CDC73: variants seen among roughly 807,000 people sequenced by gnomAD.
The protein encoded by CDC73 is parafibromin.
CDC73 carries 21 observed loss-of-function variants against 83.7 expected under a neutral mutation model. That is an observed-to-expected ratio of 0.25 (90% CI 0.18 to 0.36). The LOEUF (loss-of-function observed/expected upper bound fraction) is 0.36. Among genes scored for constraint, CDC73 ranks in the 10% least tolerant of loss-of-function variants. The pLI, the probability that CDC73 is intolerant of heterozygous loss-of-function variation, is 1.00. For synonymous variants in CDC73, 224 were observed against 212.9 expected (o/e 1.05, Z -0.45); for missense variants, 342 against 653.3 (o/e 0.52, Z 5.19).
At chr1:193,211,307 G>T (rs1168554030) in intron 11 of CDC73, among the ~76,000 whole-genome samples, 1 of 152,196 alleles carries the variant, frequency 6.6e-6, no homozygotes, top group East Asian at 1.9e-4. Context: ...TTTGCAGTTT[G>T]AGGTACAAAG....
rs114652517 is a variant in CDC73 at position 193,124,004 on chromosome 1, T to C, written c.132-1108T>C. Among the ~76,000 whole-genome samples the C allele has an allele frequency of 9.4e-3, 1,430 of 152,316 alleles. 15 individuals carry two copies. Among genetic ancestry groups the C allele is most frequent in the South Asian group, 0.034 (164 of 4,832 alleles). On this transcript the variant is annotated intron_variant, in intron 1 of 16. Transcript: ENST00000367435. ...CAAGCTTTAAAGAATAGGTAGGAAT[T>C]CTCTGGGCTAAATGATGGGTTAAGT... is the stretch of plus-strand genomic sequence containing the variant.
At position 193,219,942 on chromosome 1, in the gene CDC73, A is replaced by G. The variant is rs568834058; in HGVS notation, c.1154+7465A>G. ...ATTCTGGTCTTGATAGTAGTGTGAT[A>G]ATAATCCAGAACAAAGCAAAGTCTT... On this transcript the variant is annotated intron_variant, in intron 13 of 16. Coordinates refer to ENST00000367435, the MANE Select transcript of CDC73 (RefSeq NM_024529.5). Among the ~76,000 whole-genome samples the G allele has an allele frequency of 2.2e-4, 33 of 152,306 alleles. No homozygotes were observed. The South Asian group carries it at 5.0e-3, about 23-fold the overall frequency.
At chr1:193,215,292 C>T (rs1677348525) in intron 13 of CDC73, among the ~76,000 whole-genome samples, 2 of 152,096 alleles carry the variant, frequency 1.3e-5, no homozygotes, top group Admixed American at 1.3e-4. Flanking sequence ...TTGTTTTCTA[C>T]AACTTGAGAC....
chr1:193,163,176 TG>T (rs1443503351), intron 10 of CDC73, among the ~76,000 whole-genome samples: 1 of 149,234 alleles, frequency 6.7e-6, no homozygotes, highest in Non-Finnish European at 1.5e-5. Flanking sequence ...TGTGTGTGTG[TG>T]GGTGTGTGTG....
intron 5 of CDC73, among the ~76,000 whole-genome samples, chr1:193,137,535 G>A (rs564728624): frequency 6.6e-6 from 1 of 152,320 alleles, no homozygotes; most frequent in South Asian, 2.1e-4. Flanking sequence ...TAAAAGCTGA[G>A]CTACCAGGGT....
chr1:193,186,994 C>T (rs1337879292), intron 10 of CDC73, among the ~76,000 whole-genome samples: 2 of 147,030 alleles, frequency 1.4e-5, no homozygotes, highest in African/African-American at 2.5e-5. Context: ...TCAGTGCATT[C>T]TCTTCTTGAA....
chr1:193,179,426 C>T (rs928852213), intron 10 of CDC73: 4 of 152,506 alleles, frequency 2.6e-5, no homozygotes, highest in East Asian at 1.9e-4. Flanking sequence ...ACTTTTGCTT[C>T]GATTATCTTT....
At chr1:193,171,554 T>G (rs533929179) in intron 10 of CDC73, among the ~76,000 whole-genome samples, 1 of 152,328 alleles carries the variant, frequency 6.6e-6, no homozygotes, top group Admixed American at 6.5e-5. Flanking sequence ...ACTTGGTTCA[T>G]GGCCTCCTTC....
At chr1:193,221,682 A>G (rs1677472625) in intron 13 of CDC73, among the ~76,000 whole-genome samples, 1 of 152,232 alleles carries the variant, frequency 6.6e-6, no homozygotes, top group Non-Finnish European at 1.5e-5. Flanking sequence ...AGAAATCACA[A>G]AGTAAATTTT....
Position 193,148,532 on chromosome 1 carries a change from C to A in CDC73, c.828+567C>A, listed in dbSNP as rs1002553952. 5.9e-5 allele frequency among the ~76,000 whole-genome samples: 9 copies of A among 151,928 alleles called. No individual in the cohort carries two copies. In the East Asian group the frequency reaches 9.6e-4, roughly 16 times the overall value. ...ACATCCTCTAATTTTGTTGAAAATC[C>A]TTCCAGCTATTTTCATATGATTCAA... is the stretch of plus-strand genomic sequence containing the variant. On this transcript the variant is annotated intron_variant, in intron 8 of 16. Transcript: ENST00000367435.
intron 10 of CDC73, 79 bp downstream of exon 10, chr1:193,152,523 C>G (rs913531420): frequency 5.4e-6 from 5 of 922,266 alleles, no homozygotes; most frequent in Non-Finnish European, 9.0e-6. Flanking sequence ...AATCTTTAGT[C>G]TCTCATATTT....
At chr1:193,150,819 T>C (rs1038323895) in intron 9 of CDC73, among the ~76,000 whole-genome samples, 1 of 152,226 alleles carries the variant, frequency 6.6e-6, no homozygotes, top group Non-Finnish European at 1.5e-5. Flanking sequence ...AGTGCCTGTC[T>C]CTTACCATTA....
intron 10 of CDC73, among the ~76,000 whole-genome samples, chr1:193,193,405 T>A (rs1016841207): frequency 1.1e-4 from 16 of 152,190 alleles, no homozygotes; most frequent in African/African-American, 3.9e-4. Flanking sequence ...AACTCTTAAT[T>A]GAAATTCATA....
chr1:193,245,799 A>G (rs1020322751), intron 15 of CDC73, among the ~76,000 whole-genome samples: 4 of 151,910 alleles, frequency 2.6e-5, no homozygotes, highest in Admixed American at 1.3e-4. Context: ...AGCATTTGGT[A>G]TTTTCTTGTC....
rs765816443 is a variant in CDC73 at position 193,180,308 on chromosome 1, G to A, written c.973-23487G>A. On this transcript the variant is annotated intron_variant, in intron 10 of 16. Transcript: ENST00000367435. ...AATTGTCTTTTCTAATGTAGTTTAC[G>A]GTGGCGATACCTGCCTGCCTTTTCT... 6 of 1,572,872 alleles carry A rather than the reference G, an allele frequency of 3.8e-6. No individual in the cohort carries two copies. The highest frequency in any genetic ancestry group is 2.7e-5 in the African/African-American group (2 of 72,898).
chr1:193,151,065 G>A (rs1676097194), intron 9 of CDC73, among the ~76,000 whole-genome samples: 1 of 152,132 alleles, frequency 6.6e-6, no homozygotes, highest in African/African-American at 2.4e-5. Flanking sequence ...TAGTCTACGT[G>A]GTATTCTGGC....
intron 13 of CDC73, among the ~76,000 whole-genome samples, chr1:193,226,831 A>G (rs1677574317): frequency 6.6e-6 from 1 of 152,152 alleles, no homozygotes; most frequent in Admixed American, 6.5e-5. Context: ...TACAGGCTTC[A>G]TAGAATGATT....
chr1:193,122,213 C>A lies in CDC73; in HGVS notation c.13C>A (p.Leu5Ile). 6.2e-7 allele frequency: 1 copy of A among 1,614,136 alleles called. No homozygotes were observed. Among genetic ancestry groups the A allele is most frequent in the Non-Finnish European group, 8.5e-7 (1 of 1,179,996 alleles). Residue 5 changes from leucine (L) to isoleucine (I), a missense_variant, in exon 1 of 17, where the codon CTT becomes ATT. By Grantham distance (5) the Leu-to-Ile change is conservative. Coordinates refer to ENST00000367435, the MANE Select transcript of CDC73 (RefSeq NM_024529.5). Reference sequence around the variant, plus strand: ...GAGGGGGGGGAAGATGGCGGACGTGCTTAGCGTCCTGCGACAGTACAACAT... The same window carrying A: ...GAGGGGGGGGAAGATGGCGGACGTGATTAGCGTCCTGCGACAGTACAACAT... MADV[L>I]SVLRQYNIQK...
chr1:193,183,060 G>A (rs945536104), intron 10 of CDC73, among the ~76,000 whole-genome samples: 2 of 151,638 alleles, frequency 1.3e-5, no homozygotes, highest in African/African-American at 2.4e-5. Context: ...GTTTAACCTT[G>A]GCATAAATTT....
Sources: allele counts gnomAD v4.1 joint callset (sites outside exome capture counted in the v4.1 genomes callset), GRCh38; gene constraint gnomAD v4.1.1; transcripts MANE v1.5; gene names NCBI Gene and HGNC (gene_info 2026-07-23, HGNC 2026-07-21).